The following PEBP4 variants were observed in gnomAD, a reference collection of about 807,000 sequenced individuals.
The protein encoded by PEBP4 is phosphatidylethanolamine-binding protein 4.
PEBP4 carries 22 observed loss-of-function variants against 23.9 expected under a neutral mutation model. The observed-to-expected ratio is 0.92, with a 90% CI of 0.66 to 1.31. The LOEUF (loss-of-function observed/expected upper bound fraction) is 1.31, where lower values mean the gene tolerates loss of function less well. PEBP4 is among the 40% of genes most tolerant of loss of function. PEBP4 has a pLI of 0.00. For synonymous variants in PEBP4, 112 were observed against 99.3 expected (o/e 1.13, Z -0.76); for missense variants, 324 against 281.7 (o/e 1.15, Z -1.07).
At position 22,777,455 on chromosome 8, in the gene PEBP4, G is replaced by C. The variant is rs568998120; in HGVS notation, c.357+40182C>G. Among the ~76,000 whole-genome samples the C allele has an allele frequency of 6.6e-5, 10 of 152,258 alleles. No homozygotes were observed. In the South Asian group the frequency reaches 1.7e-3, roughly 25 times the overall value. On this transcript the variant is annotated intron_variant, in intron 4 of 6. Coordinates refer to ENST00000256404, the MANE Select transcript of PEBP4 (RefSeq NM_144962.3). ...AGAGCATAAGAGGGGCTGTGGGGAG[G>C]GGGGAACGCAGCCCTGAGACCTGAG...
chr8:22,786,032 T>C, intron 4 of PEBP4, among the ~76,000 whole-genome samples: 1 of 152,182 alleles, frequency 6.6e-6, no homozygotes, highest in East Asian at 1.9e-4. Context: ...AATAAGACAG[T>C]GCATGTTTAG....
intron 3 of PEBP4, among the ~76,000 whole-genome samples, chr8:22,867,355 A>C (rs545971283): frequency 5.3e-5 from 8 of 152,300 alleles, no homozygotes; most frequent in African/African-American, 1.9e-4. Flanking sequence ...GGCCCGCTTC[A>C]TAACTCAGGT....
chr8:22,778,871 C>T (rs1294276041), intron 4 of PEBP4, among the ~76,000 whole-genome samples: 2 of 152,132 alleles, frequency 1.3e-5, no homozygotes, highest in Non-Finnish European at 2.9e-5. Context: ...GTTTTAGTGC[C>T]CCGCACAGTC....
chr8:22,777,045 G>GT (rs1288992280), intron 4 of PEBP4, among the ~76,000 whole-genome samples: 1 of 152,006 alleles, frequency 6.6e-6, no homozygotes, highest in Non-Finnish European at 1.5e-5. Flanking sequence ...AGGTCCGGAG[G>GT]GAGGGAGCTA....
In PEBP4 at chr8:22,740,810, C is replaced by T. The variant is rs111862775; in HGVS notation, c.358-13590G>A. ...GACCTGAGAAGGAGGGAGGCACAGC[C>T]CTTTCCCTTCACCCCTGCTTAGAGC... On this transcript the variant is annotated intron_variant, in intron 4 of 6. Coordinates refer to ENST00000256404, the MANE Select transcript of PEBP4 (RefSeq NM_144962.3). 9.2e-3 allele frequency among the ~76,000 whole-genome samples: 1,405 copies of T among 152,270 alleles called. 25 individuals are homozygous for T. The highest frequency in any genetic ancestry group is 0.032 in the African/African-American group (1,347 of 41,542).
At chr8:22,727,418 G>A (rs1342529098) in intron 4 of PEBP4, among the ~76,000 whole-genome samples, 198 bp from the exon 5 acceptor site, 1 of 152,084 alleles carries the variant, frequency 6.6e-6, no homozygotes, top group East Asian at 1.9e-4. Flanking sequence ...GGCAGTGAGT[G>A]GGGTTTTGGA....
At chr8:22,814,369 C>T (rs1283985725) in intron 4 of PEBP4, among the ~76,000 whole-genome samples, 1 of 152,226 alleles carries the variant, frequency 6.6e-6, no homozygotes. Flanking sequence ...TGCCCGGTCC[C>T]TACTGCCAGG....
intron 4 of PEBP4, among the ~76,000 whole-genome samples, chr8:22,799,790 G>A (rs571795089): frequency 6.6e-6 from 1 of 152,286 alleles, no homozygotes; most frequent in African/African-American, 2.4e-5. Context: ...ACCTATGAGT[G>A]AGAACACGCG....
At chr8:22,825,367 A>G (rs1480893210) in intron 3 of PEBP4, among the ~76,000 whole-genome samples, 2 of 152,176 alleles carry the variant, frequency 1.3e-5, no homozygotes, top group Non-Finnish European at 2.9e-5. Flanking sequence ...CCCATTCTTT[A>G]AGCATAGCCA....
intron 3 of PEBP4, 37 bp from the exon 4 acceptor site, chr8:22,817,772 G>A (rs1427429827): frequency 6.3e-7 from 1 of 1,579,036 alleles, no homozygotes. Context: ...GTAGCGTCAT[G>A]GCTGAAATAG....
At chr8:22,735,115 G>C (rs916278767) in intron 4 of PEBP4, among the ~76,000 whole-genome samples, 1 of 152,240 alleles carries the variant, frequency 6.6e-6, no homozygotes, top group African/African-American at 2.4e-5. Context: ...ATGAATGAAT[G>C]AGAGGCCCTG....
At chr8:22,779,583 G>T (rs1455982309) in intron 4 of PEBP4, among the ~76,000 whole-genome samples, 1 of 152,144 alleles carries the variant, frequency 6.6e-6, no homozygotes. Flanking sequence ...GTGGTCCCCC[G>T]ACTCTGTGTC....
chr8:22,911,790 A>G (rs1163237177), intron 3 of PEBP4, among the ~76,000 whole-genome samples: 1 of 152,236 alleles, frequency 6.6e-6, no homozygotes. Context: ...ACAAACAAAC[A>G]AAAAAACAAC....
chr8:22,738,931 C>A (rs538281815), intron 4 of PEBP4, among the ~76,000 whole-genome samples: 126 of 152,258 alleles, frequency 8.3e-4, no homozygotes, highest in African/African-American at 1.5e-3. Flanking sequence ...ATGCCTGGGG[C>A]TGGGCATGGT....
chr8:22,732,359 A>G (rs1804755710), intron 4 of PEBP4, among the ~76,000 whole-genome samples: 1 of 152,092 alleles, frequency 6.6e-6, no homozygotes, highest in Admixed American at 6.5e-5. Flanking sequence ...AACAATGAGA[A>G]CACATGGACA....
In PEBP4 at chr8:22,724,860, T is replaced by C; in HGVS notation, c.500A>G (p.Lys167Arg). Residue 167 changes from lysine (K) to arginine (R), a missense_variant, in exon 6 of 7, where the codon AAG (lysine) becomes AGG (arginine). Transcript: ENST00000256404. ...QEGKVISLLPKENKTRGSWKM... is the reference protein window; with the variant it reads ...QEGKVISLLPRENKTRGSWKM... ...GGTCTTACCTCGAGTTTTGTTTTCC[T>C]TGGGAAGGAGAGAGATGACTTTTCC... The C allele has an allele frequency of 6.2e-7, 1 of 1,613,822 alleles. No individual in the cohort carries two copies. The highest frequency in any genetic ancestry group is 8.5e-7 in the Non-Finnish European group (1 of 1,179,718).
At chr8:22,769,201 G>A (rs1463890512) in intron 4 of PEBP4, among the ~76,000 whole-genome samples, 2 of 152,140 alleles carry the variant, frequency 1.3e-5, no homozygotes, top group South Asian at 2.1e-4. Flanking sequence ...TCAGCCTCAC[G>A]CTCCCTGGGC....
intron 3 of PEBP4, among the ~76,000 whole-genome samples, chr8:22,825,019 C>T (rs1227521003): frequency 6.6e-6 from 1 of 152,208 alleles, no homozygotes; most frequent in African/African-American, 2.4e-5. Flanking sequence ...TAGATCTCCT[C>T]TCTGCTAAGC....
At chr8:22,767,257 C>G (rs1805629264) in intron 4 of PEBP4, among the ~76,000 whole-genome samples, 1 of 152,228 alleles carries the variant, frequency 6.6e-6, no homozygotes, top group Non-Finnish European at 1.5e-5. Context: ...ACCACTTAGA[C>G]TAGCAGTTCT....
Sources: allele counts gnomAD v4.1 joint callset (sites outside exome capture counted in the v4.1 genomes callset), GRCh38; gene constraint gnomAD v4.1.1; transcripts MANE v1.5; gene names NCBI Gene and HGNC (gene_info 2026-07-23, HGNC 2026-07-21).